The following ANKRD60 variants were observed in gnomAD, a reference collection of about 807,000 sequenced individuals.
ANKRD60 encodes the protein ankyrin repeat domain 60.
A neutral mutation model predicts 21.3 loss-of-function variants in ANKRD60; 24 were observed. The observed-to-expected ratio is 1.13, with a 90% CI of 0.82 to 1.59. The LOEUF is 1.59. Ranked by LOEUF, ANKRD60 falls within the 40% of genes most tolerant of loss-of-function variation. The pLI, the probability that ANKRD60 is intolerant of heterozygous loss-of-function variation, is 0.00. For synonymous variants in ANKRD60, 182 were observed against 199.4 expected, an observed-to-expected ratio of 0.91 and a Z score of 0.74; for missense variants, 490 against 466.7, an observed-to-expected ratio of 1.05 and a Z score of -0.46.
exon 4 of ANKRD60, chr20:58,218,663 G>C: frequency 1.9e-6 from 3 of 1,551,786 alleles, no homozygotes; most frequent in Non-Finnish European, 2.6e-6. Flanking sequence ...GTGCAATGGA[G>C]ATGGGGGTCT....
intron 1 of ANKRD60, among the ~76,000 whole-genome samples, chr20:58,224,104 A>G (rs939599165): frequency 2.0e-5 from 3 of 147,022 alleles, no homozygotes; most frequent in African/African-American, 7.5e-5. Context: ...CCTGTCTCCA[A>G]AAAAAAAAAA....
chr20:58,221,719 G>A (rs1027600782), intron 2 of ANKRD60, among the ~76,000 whole-genome samples: 9 of 152,114 alleles, frequency 5.9e-5, no homozygotes, highest in Non-Finnish European at 1.0e-4. Context: ...CAGGAAATAC[G>A]AATTCGCCGT....
chr20:58,223,346 G>A (rs1401196966), intron 1 of ANKRD60, among the ~76,000 whole-genome samples, 164 bp from the exon 2 acceptor site: 1 of 152,168 alleles, frequency 6.6e-6, no homozygotes, highest in Non-Finnish European at 1.5e-5. Context: ...GTCTGTTGTT[G>A]GTAATGCTTT....
chr20:58,223,735 G>A lies in ANKRD60; in HGVS notation c.431-553C>T, dbSNP rs910047434. Among the ~76,000 whole-genome samples the A allele has an allele frequency of 5.3e-5, 8 of 152,242 alleles. 1 individual carries two copies. The highest frequency in any genetic ancestry group is 2.0e-4 in the Admixed American group (3 of 15,286). ...CTCCTTGTGGCAGGGGCCCCTCCTC[G>A]TTGTCTGGTGTTCACAGCTTCCCGG... On this transcript the variant is annotated intron_variant, in intron 1 of 3. Transcript: ENST00000457363.
chr20:58,218,664 A>T, exon 4 of ANKRD60: 1 of 1,551,732 alleles, frequency 6.4e-7, no homozygotes, highest in African/African-American at 1.4e-5. Context: ...TGCAATGGAG[A>T]TGGGGGTCTC....
chr20:58,223,099 C>A lies in ANKRD60; in HGVS notation c.514G>T (p.Gly172Ter), dbSNP rs899988816. The A allele has an allele frequency of 7.7e-6, 12 of 1,551,678 alleles. No individual in the cohort carries two copies. The highest frequency in any genetic ancestry group is 1.4e-5 in the African/African-American group (1 of 73,018). The change falls in exon 2 of 4, where the codon GGA becomes TGA. Residue 172 changes from glycine (G) to a stop codon, truncating the protein, a stop_gained. Coordinates refer to ENST00000457363, the Ensembl canonical transcript of ANKRD60. LOFTEE classifies it high-confidence loss of function. ...GCCGCCAAAACAAGTTCTGTCCATC[C>A]GTCATGATGCCAGATACATAATGAA...
exon 2 of ANKRD60, chr20:58,223,182 C>G (rs1015557589): frequency 2.3e-5 from 36 of 1,535,290 alleles, no homozygotes; most frequent in Non-Finnish European, 3.0e-5. Flanking sequence ...CATCAAAACT[C>G]CTGCAGGGAA....
exon 4 of ANKRD60, chr20:58,218,613 A>T: frequency 6.4e-7 from 1 of 1,551,732 alleles, no homozygotes. Flanking sequence ...CCGGTGGAGG[A>T]GGACCATCTG....
At chr20:58,222,829 A>C (rs567239622) in intron 2 of ANKRD60, among the ~76,000 whole-genome samples, 1 of 152,344 alleles carries the variant, frequency 6.6e-6, no homozygotes, top group African/African-American at 2.4e-5. Flanking sequence ...TGGGGCGGTA[A>C]GTGGGTTATA....
chr20:58,221,387 C>T, exon 3 of ANKRD60: 1 of 1,552,028 alleles, frequency 6.4e-7, no homozygotes, highest in Non-Finnish European at 8.7e-7. Context: ...TGTGTGAGGC[C>T]ACATACAACG....
At chr20:58,223,850 T>C (rs1272125817) in intron 1 of ANKRD60, among the ~76,000 whole-genome samples, 1 of 152,170 alleles carries the variant, frequency 6.6e-6, no homozygotes, top group Non-Finnish European at 1.5e-5. Context: ...ACACCTGTCA[T>C]CTCAGCACTT....
rs907916957 is a variant in ANKRD60 at position 58,228,492 on chromosome 20, GC to G, written c.161del (p.Gly54AlafsTer63). ...CGGGGAGGGCCCGCGAGTCCGCCGA[GC>G]CCACCCTGGGCCCGCCGCACCCCTG... On this transcript the variant is annotated frameshift_variant, in exon 1 of 4. Coordinates refer to ENST00000457363, the Ensembl canonical transcript of ANKRD60. LOFTEE classifies it high-confidence loss of function. The surrounding 1 kb of genome is among the most constrained non-coding windows in gnomAD (Gnocchi z 5.3). 1 of 1,477,762 alleles carries G rather than the reference GC, an allele frequency of 6.8e-7. No homozygotes were observed. The highest frequency in any genetic ancestry group is 1.5e-5 in the African/African-American group (1 of 68,476). 91.5% of individuals were successfully genotyped at this position (1,477,762 alleles called of 1,614,324 possible).
chr20:58,220,808 T>C (rs1411930163), intron 3 of ANKRD60, among the ~76,000 whole-genome samples: 1 of 151,996 alleles, frequency 6.6e-6, no homozygotes, highest in Admixed American at 6.6e-5. Flanking sequence ...TTTGTATTTT[T>C]AGTAGAGACG....
chr20:58,226,989 G>A (rs1984377951), intron 1 of ANKRD60, among the ~76,000 whole-genome samples: 1 of 152,134 alleles, frequency 6.6e-6, no homozygotes, highest in African/African-American at 2.4e-5. Context: ...GGGATTTAGG[G>A]TTCTGTTATG....
rs1406012270 is a variant in ANKRD60 at position 58,222,989 on chromosome 20, TC to T, written c.561+62del. The stretch of plus-strand genomic sequence containing the variant: ...ACATATCCGTATTAAAGACTAATTT[TC>T]CCCCCACAATTTACGGTTGCTTCGT... On this transcript the variant is annotated intron_variant, in intron 2 of 3. Coordinates refer to ENST00000457363, the Ensembl canonical transcript of ANKRD60. The T allele has an allele frequency of 5.4e-6, 8 of 1,487,502 alleles. No individual in the cohort carries two copies. The African/African-American group carries it at 7.1e-5, about 13-fold the overall frequency. The allele number at this position is 1,487,502 out of a possible 1,614,324, so 92.1% of individuals were successfully genotyped here. A position where few individuals can be genotyped will look rare whatever the true frequency, so the allele number is the denominator to read the frequency against.
chr20:58,222,230 G>C (rs750702028), intron 2 of ANKRD60, among the ~76,000 whole-genome samples: 6 of 152,156 alleles, frequency 3.9e-5, no homozygotes, highest in Non-Finnish European at 8.8e-5. Context: ...GGGCAGAGGA[G>C]AGTGTGGAGG....
At chr20:58,221,118 G>A (rs1984241714) in intron 3 of ANKRD60, among the ~76,000 whole-genome samples, 1 of 152,144 alleles carries the variant, frequency 6.6e-6, no homozygotes, top group Non-Finnish European at 1.5e-5. Context: ...GAATCTTCTC[G>A]AGACCTGGTG....
At chr20:58,217,051 G>C (rs1229150343), downstream of ANKRD60, among the ~76,000 whole-genome samples, 3 of 152,176 alleles carry the variant, frequency 2.0e-5, no homozygotes, top group African/African-American at 7.2e-5. Context: ...GACAGTGAGA[G>C]GCAGTCACAT....
chr20:58,220,635 C>T (rs534706519), intron 3 of ANKRD60, among the ~76,000 whole-genome samples: 12 of 152,008 alleles, frequency 7.9e-5, no homozygotes, highest in Non-Finnish European at 1.8e-4. Flanking sequence ...CTGCCATCCA[C>T]CACAGAGCTG....
Sources: gnomAD v4.1 joint callset for allele counts (sites outside exome capture counted in the v4.1 genomes callset) on GRCh38, gnomAD v4.1.1 for gene constraint, Gnocchi (gnomAD v3.1) non-coding constraint, MANE v1.5 for transcripts, NCBI Gene and HGNC (gene_info 2026-07-23, HGNC 2026-07-21) for gene names.